Variants in LRP1 observed in about 807,000 individuals in gnomAD.
LRP1 encodes the protein prolow-density lipoprotein receptor-related protein 1.
A neutral mutation model predicts 541.5 loss-of-function variants in LRP1; 51 were observed. That is an observed-to-expected ratio of 0.09 (90% CI 0.08 to 0.12). The LOEUF (loss-of-function observed/expected upper bound fraction) is 0.12. LRP1 is among the 10% of genes least tolerant of loss of function. LRP1 has a pLI of 1.00. For synonymous variants in LRP1, 2,219 were observed against 2,470.8 expected (o/e 0.90, Z 3.02); for missense variants, 3,878 against 6,376.2 (o/e 0.61, Z 13.34).
At chr12:57,180,218 G>T (rs2036136108) in intron 31 of LRP1, 77 bp downstream of exon 31, 1 of 1,565,702 alleles carries the variant, frequency 6.4e-7, no homozygotes, top group African/African-American at 1.4e-5. Context: ...TCCTTCAGTT[G>T]CCCCTCAGCC....
Position 57,184,564 on chromosome 12 carries a change from TC to T in LRP1, c.6186+113del. 6.9e-7 allele frequency: 1 copy of T among 1,453,538 alleles called. No individual in the cohort carries two copies. The allele number at this position is 1,453,538 out of a possible 1,614,324, so 90.0% of individuals were successfully genotyped here. On this transcript the variant is annotated intron_variant, in intron 38 of 88. Transcript: ENST00000243077. This position sits in a 1 kb window ranked among gnomAD's most constrained non-coding sequence, Gnocchi z 7.8. ...TTGGAGCCCAGGGGAAGTCACAGGGTCTCCCAGCCCAGCCCTCCACCCAGAG... is the reference window on the plus strand; with the variant it reads ...TTGGAGCCCAGGGGAAGTCACAGGGTTCCCAGCCCAGCCCTCCACCCAGAG...
At position 57,177,038 on chromosome 12, in the gene LRP1, C is replaced by T. The variant is rs199868599; in HGVS notation, c.3992-3C>T. 15 of 1,613,430 alleles carry T rather than the reference C, an allele frequency of 9.3e-6. No individual in the cohort carries two copies. The highest frequency in any genetic ancestry group is 1.2e-5 in the Non-Finnish European group (14 of 1,179,772). ...TAACCTTTCACTGCCCTCTCTTCTCCAGCCCTGACTAGTTTCGAGGTGGTG... is the reference window on the plus strand; with the variant it reads ...TAACCTTTCACTGCCCTCTCTTCTCTAGCCCTGACTAGTTTCGAGGTGGTG... On this transcript the variant is annotated splice_region_variant and splice_polypyrimidine_tract_variant and intron_variant, in intron 24 of 88. Coordinates refer to ENST00000243077, the MANE Select transcript of LRP1 (RefSeq NM_002332.3). This position sits in a 1 kb window ranked among gnomAD's most constrained non-coding sequence, Gnocchi z 6.8.
chr12:57,196,429 G>T, intron 55 of LRP1, 152 bp downstream of exon 55: 1 of 778,560 alleles, frequency 1.3e-6, no homozygotes, highest in Non-Finnish European at 2.0e-6. Context: ...CCTCTATCTG[G>T]CAGGTAGAGA....
chr12:57,203,006 A>G (rs2036688606), intron 68 of LRP1, 175 bp from the exon 69 acceptor site: 1 of 595,996 alleles, frequency 1.7e-6, no homozygotes, highest in African/African-American at 1.9e-5. Flanking sequence ...GCCTGTGCCC[A>G]GCTGTTCCAT....
chr12:57,191,601 C>T, intron 44 of LRP1, 89 bp downstream of exon 44: 1 of 1,174,756 alleles, frequency 8.5e-7, no homozygotes, highest in African/African-American at 1.5e-5. Context: ...TCGCACATAC[C>T]ACACGCACCC....
intron 1 of LRP1, among the ~76,000 whole-genome samples, chr12:57,132,575 A>C (rs1179345513): frequency 1.9e-4 from 29 of 152,098 alleles, no homozygotes; most frequent in Admixed American, 1.9e-3. Context: ...TCCCCTTGGC[A>C]ATCTCTGGAC....
chr12:57,205,456 A>G lies in LRP1; in HGVS notation c.11441A>G (p.His3814Arg). ...TACTGTGCCTGCCGCTCGGGCTTCCACACCGTGCCCGGCCAGCCCGGATGC... is the reference window on the plus strand; with the variant it reads ...TACTGTGCCTGCCGCTCGGGCTTCCGCACCGTGCCCGGCCAGCCCGGATGC... ...AAYCACRSGF[H>R]TVPGQPGCQD... Residue 3814 changes from histidine (H) to arginine (R), a missense_variant, in exon 74 of 89, where the codon CAC (histidine) becomes CGC (arginine). Around this residue, in one of 13 missense-constraint regions of LRP1, gnomAD observed 871 missense variants for 1,212.4 expected, o/e 0.72. Transcript: ENST00000243077. The surrounding 1 kb of genome is among the most constrained non-coding windows in gnomAD (Gnocchi z 4.6). 1 of 1,611,220 alleles carries G rather than the reference A, an allele frequency of 6.2e-7. No homozygotes were observed. The highest frequency in any genetic ancestry group is 8.5e-7 in the Non-Finnish European group (1 of 1,178,876).
At chr12:57,160,357 A>G (rs2035703103) in intron 12 of LRP1, among the ~76,000 whole-genome samples, 1 of 151,898 alleles carries the variant, frequency 6.6e-6, no homozygotes, top group Non-Finnish European at 1.5e-5. Context: ...TTCTGTCCCC[A>G]CTGCCTGCTG....
At chr12:57,161,991 G>T (rs1314819351) in intron 13 of LRP1, among the ~76,000 whole-genome samples, 5 of 146,688 alleles carry the variant, frequency 3.4e-5, no homozygotes, top group Non-Finnish European at 1.5e-5. Context: ...GTGCGCGCAC[G>T]CATATGAGTG....
At chr12:57,140,823 C>T (rs892347360) in intron 2 of LRP1, among the ~76,000 whole-genome samples, 6 of 152,172 alleles carry the variant, frequency 3.9e-5, no homozygotes, top group Admixed American at 2.0e-4. Flanking sequence ...ACTTCTGCCT[C>T]CTGGGTTCAA....
rs142247484 is a variant in LRP1 at position 57,134,068 on chromosome 12, C to T, written c.68-4391C>T. Among the ~76,000 whole-genome samples, 344 of 152,300 alleles carry T rather than the reference C, an allele frequency of 2.3e-3. 1 individual carries two copies. Among genetic ancestry groups the T allele is most frequent in the African/African-American group, 7.7e-3 (322 of 41,570 alleles). On this transcript the variant is annotated intron_variant, in intron 1 of 88. Transcript: ENST00000243077. ...GTGTCTGGACGCACACCCAACTCTACACCTCCTGCCCTGGCTCCAGCTTGG... is the reference window on the plus strand; with the variant it reads ...GTGTCTGGACGCACACCCAACTCTATACCTCCTGCCCTGGCTCCAGCTTGG...
At chr12:57,149,918 C>T in intron 6 of LRP1, 3 of 614,312 alleles carry the variant, frequency 4.9e-6, no homozygotes, top group Non-Finnish European at 5.8e-6. Context: ...GATTACTAGA[C>T]AGACTGTCCT....
In LRP1 at chr12:57,154,098, G is replaced by C; in HGVS notation, c.842-110G>C. 1 of 976,694 alleles carries C rather than the reference G, an allele frequency of 1.0e-6. No individual in the cohort carries two copies. Among genetic ancestry groups the C allele is most frequent in the Admixed American group, 2.0e-5 (1 of 50,802 alleles). 60.5% of individuals were successfully genotyped at this position (976,694 alleles called of 1,614,324 possible). A position where few individuals can be genotyped will look rare whatever the true frequency, so the allele number is the denominator to read the frequency against. ...CTAAGCATGGGGGTGTTGGGTGGGA[G>C]GGCGTCCAGAGAAGGTGGGCTTCCA... On this transcript the variant is annotated intron_variant, in intron 6 of 88. Coordinates refer to ENST00000243077, the MANE Select transcript of LRP1 (RefSeq NM_002332.3). This position sits in a 1 kb window ranked among gnomAD's most constrained non-coding sequence, Gnocchi z 4.6.
At chr12:57,172,910 T>G (rs536806156) in intron 20 of LRP1, among the ~76,000 whole-genome samples, 1 of 152,242 alleles carries the variant, frequency 6.6e-6, no homozygotes, top group East Asian at 1.9e-4. Context: ...CCTTAGCAAA[T>G]TGCTTCTCCA....
rs1240932080 is a variant in LRP1, at chr12:57,156,615, T to TG, written c.1418-156dup. 6.6e-6 allele frequency among the ~76,000 whole-genome samples: 1 copy of TG among 152,226 alleles called. No individual in the cohort carries two copies. The highest frequency in any genetic ancestry group is 2.4e-5 in the African/African-American group (1 of 41,464). ...TCCAAGAGTTTGAAGGCTGGGTTGT[T>TG]GGGGGGCAGAGGGTTTCCACCCCTG... On this transcript the variant is annotated intron_variant, in intron 9 of 88. Transcript: ENST00000243077. The surrounding 1 kb of genome is among the most constrained non-coding windows in gnomAD (Gnocchi z 5.2).
Position 57,193,694 on chromosome 12 carries a change from G to C in LRP1, c.7804+9G>C. 1 of 1,614,126 alleles carries C rather than the reference G, an allele frequency of 6.2e-7. No homozygotes were observed. The highest frequency in any genetic ancestry group is 8.5e-7 in the Non-Finnish European group (1 of 1,180,020). On this transcript the variant is annotated intron_variant, in intron 47 of 88. Transcript: ENST00000243077. ...CGAGATCCCTTGCAACAGTGAGTGA[G>C]GCGCACTGGCATAACCCATCTGTAC...
At chr12:57,172,204 T>C (rs1475736343) in intron 20 of LRP1, among the ~76,000 whole-genome samples, 1 of 151,642 alleles carries the variant, frequency 6.6e-6, no homozygotes, top group Non-Finnish European at 1.5e-5. Flanking sequence ...ATGGAGTCTC[T>C]CTGTCGCCCA....
Position 57,209,839 on chromosome 12 carries a change from T to C in LRP1, c.12410T>C (p.Val4137Ala). 6.2e-7 allele frequency: 1 copy of C among 1,614,064 alleles called. No homozygotes were observed. Among genetic ancestry groups the C allele is most frequent in the Middle Eastern group, 1.6e-4 (1 of 6,062 alleles). ...GGCCTGAGCCACGCCTCTGACGTGG[T>C]CCTTTACCATCAGCACAAGCAGCCC... ...TGGLSHASDVVLYHQHKQPEV... is the reference protein window; with the variant it reads ...TGGLSHASDVALYHQHKQPEV... The change falls in exon 80 of 89, where the codon GTC becomes GCC. Residue 4137 changes from valine to alanine, a missense_variant. Val to Ala is a moderately conservative substitution (Grantham distance 64). This residue lies in a region of LRP1 where 871 missense variants were observed against 1,212.4 expected (regional missense o/e 0.72). Coordinates refer to ENST00000243077, the MANE Select transcript of LRP1 (RefSeq NM_002332.3).
In LRP1 at chr12:57,138,474, G is replaced by T; in HGVS notation, c.83G>T (p.Ser28Ile). Residue 28 changes from serine to isoleucine, a missense_variant, in exon 2 of 89, where the codon AGC becomes ATC. Ser to Ile is a moderately radical substitution (Grantham distance 142, BLOSUM62 -2). Coordinates refer to ENST00000243077, the MANE Select transcript of LRP1 (RefSeq NM_002332.3). ...CTTGCCCTAGCCCCTAAGACTTGCA[G>T]CCCCAAGCAGTTTGCCTGCAGAGAT... ...AAAIDAPKTC[S>I]PKQFACRDQI... The T allele has an allele frequency of 1.9e-6, 3 of 1,613,954 alleles. No homozygotes were observed. The highest frequency in any genetic ancestry group is 1.3e-5 in the African/African-American group (1 of 75,010).
Sources: allele counts gnomAD v4.1 joint callset (sites outside exome capture counted in the v4.1 genomes callset), GRCh38; gene constraint gnomAD v4.1.1; regional missense constraint gnomAD v4.1.1; non-coding constraint Gnocchi (gnomAD v3.1); transcripts MANE v1.5; gene names NCBI Gene and HGNC (gene_info 2026-07-23, HGNC 2026-07-21).